CAPN8: variants seen among roughly 807,000 people sequenced by gnomAD.
CAPN8 encodes the protein calpain 8.
In CAPN8, 87 loss-of-function variants were observed where a neutral mutation model predicts 80.9. The ratio of observed to expected loss-of-function variants is 1.07; its 90% CI spans 0.90 to 1.28. The LOEUF is 1.28. Ranked by LOEUF, CAPN8 falls within the 50% of genes most tolerant of loss-of-function variation. CAPN8 has a pLI of 0.00. For synonymous variants in CAPN8, 299 were observed against 273.8 expected (o/e 1.09, Z -0.91); for missense variants, 757 against 702.0 (o/e 1.08, Z -0.89).
intron 10 of CAPN8, among the ~76,000 whole-genome samples, chr1:223,615,479 T>A (rs1448033401): frequency 1.3e-5 from 2 of 152,214 alleles, no homozygotes; most frequent in African/African-American, 4.8e-5. Flanking sequence ...ACACCAGAAC[T>A]GAAAATGGGC....
intron 2 of CAPN8, among the ~76,000 whole-genome samples, chr1:223,649,213 C>A (rs187976687): frequency 1.2e-4 from 18 of 152,326 alleles, no homozygotes; most frequent in Admixed American, 1.1e-3. Context: ...CACATAGAGA[C>A]GATTCAAGTC....
intron 2 of CAPN8, chr1:223,644,069 C>A: frequency 4.6e-6 from 1 of 219,638 alleles, no homozygotes; most frequent in Admixed American, 5.1e-5. Flanking sequence ...TAAAAACAAA[C>A]TATATCCTTC....
At chr1:223,557,801 G>C (rs1002852838) in intron 13 of CAPN8, among the ~76,000 whole-genome samples, 1 of 152,180 alleles carries the variant, frequency 6.6e-6, no homozygotes, top group African/African-American at 2.4e-5. Flanking sequence ...CCAAGAGCAG[G>C]ACACTGGATC....
intron 1 of CAPN8, among the ~76,000 whole-genome samples, chr1:223,656,745 G>A (rs1029644126): frequency 1.8e-4 from 26 of 145,454 alleles, no homozygotes; most frequent in Admixed American, 5.6e-4. Flanking sequence ...ATGCAGTGGC[G>A]CGATCTCGGC....
intron 2 of CAPN8, among the ~76,000 whole-genome samples, chr1:223,644,572 C>T (rs1167147126): frequency 4.6e-5 from 7 of 152,140 alleles, no homozygotes; most frequent in Non-Finnish European, 1.0e-4. Context: ...GTGAGAAAGA[C>T]AAACAATAAA....
intron 2 of CAPN8, among the ~76,000 whole-genome samples, chr1:223,638,838 A>C (rs956182291): frequency 6.6e-6 from 1 of 152,174 alleles, no homozygotes; most frequent in Non-Finnish European, 1.5e-5. Context: ...GTCAGATTTA[A>C]AGCACTCGTT....
intron 1 of CAPN8, among the ~76,000 whole-genome samples, chr1:223,662,309 C>T (rs1400834769): frequency 1.3e-5 from 2 of 152,012 alleles, no homozygotes; most frequent in Non-Finnish European, 2.9e-5. Flanking sequence ...ATTAGCCAGG[C>T]TTGGTGGCAG....
chr1:223,652,040 T>A (rs767197779), intron 2 of CAPN8, among the ~76,000 whole-genome samples: 24 of 152,182 alleles, frequency 1.6e-4, no homozygotes, highest in Non-Finnish European at 2.9e-4. Flanking sequence ...TTGCTTTAAT[T>A]TTTATACTGT....
intron 1 of CAPN8, among the ~76,000 whole-genome samples, chr1:223,663,845 C>A (rs1355467604): frequency 6.6e-6 from 1 of 152,214 alleles, no homozygotes; most frequent in Non-Finnish European, 1.5e-5. Context: ...AGGTAGCTAG[C>A]TGGAGTTAAA....
At chr1:223,659,543 A>G (rs1184361547) in intron 1 of CAPN8, among the ~76,000 whole-genome samples, 1 of 152,116 alleles carries the variant, frequency 6.6e-6, no homozygotes, top group African/African-American at 2.4e-5. Flanking sequence ...CCTTCTCTTC[A>G]GTCTCTATCC....
intron 1 of CAPN8, among the ~76,000 whole-genome samples, chr1:223,663,007 G>A (rs1457359160): frequency 1.3e-5 from 2 of 152,192 alleles, no homozygotes; most frequent in African/African-American, 4.8e-5. Flanking sequence ...GATGATTAGG[G>A]AAGGAGAGGT....
At chr1:223,652,979 C>G (rs1250359310) in intron 2 of CAPN8, among the ~76,000 whole-genome samples, 1 of 151,898 alleles carries the variant, frequency 6.6e-6, no homozygotes, top group Non-Finnish European at 1.5e-5. Flanking sequence ...AAAATCCATC[C>G]AAGCCCGTCA....
At position 223,609,309 on chromosome 1, in the gene CAPN8, G is replaced by A. The variant is rs987400130; in HGVS notation, c.1379C>T (p.Pro460Leu). Residue 460 changes from proline to leucine, a missense_variant, in exon 12 of 21, where the codon CCC becomes CTC. Coordinates refer to ENST00000366872, the MANE Select transcript of CAPN8 (RefSeq NM_001143962.2). ...LGRDFFLAYQ[P>L]SARTSTYVNL... ...GACGTAGGTGCTGGTGCGGGCTGAG[G>A]GCTGGTAGGCCAGGAAGAAATCCCG... The A allele has an allele frequency of 1.0e-5, 4 of 398,452 alleles. No individual in the cohort carries two copies. Among genetic ancestry groups the A allele is most frequent in the African/African-American group, 8.2e-5 (4 of 48,600 alleles). 24.7% of individuals were successfully genotyped at this position (398,452 alleles called of 1,614,324 possible). A position where few individuals can be genotyped will look rare whatever the true frequency, so the allele number is the denominator to read the frequency against.
At chr1:223,621,547 G>A (rs971982804) in intron 7 of CAPN8, among the ~76,000 whole-genome samples, 1 of 152,164 alleles carries the variant, frequency 6.6e-6, no homozygotes, top group African/African-American at 2.4e-5. Flanking sequence ...TTTTAGGGAA[G>A]TTGGCGGAAC....
At chr1:223,650,510 A>G (rs1658316565) in intron 2 of CAPN8, among the ~76,000 whole-genome samples, 1 of 152,216 alleles carries the variant, frequency 6.6e-6, no homozygotes, top group Non-Finnish European at 1.5e-5. Context: ...CTGGTTTACA[A>G]TTATACTGAG....
In CAPN8 at chr1:223,541,876, C is replaced by G; in HGVS notation, c.2089-17G>C. The G allele has an allele frequency of 1.3e-6, 2 of 1,510,434 alleles. No homozygotes were observed. Among genetic ancestry groups the G allele is most frequent in the South Asian group, 1.2e-5 (1 of 82,646 alleles). The allele number at this position is 1,510,434 out of a possible 1,614,324, so 93.6% of individuals were successfully genotyped here. On this transcript the variant is annotated splice_polypyrimidine_tract_variant and intron_variant, in intron 20 of 20. Transcript: ENST00000366872. Reference sequence around the variant, plus strand: ...GCACAGCCACTGCAAAGGAAAGGGACAAGATTGAGTCTTGGCTTCTCAGGG... The same window carrying G: ...GCACAGCCACTGCAAAGGAAAGGGAGAAGATTGAGTCTTGGCTTCTCAGGG...
At chr1:223,662,566 C>T (rs1165231220) in intron 1 of CAPN8, among the ~76,000 whole-genome samples, 5 of 152,108 alleles carry the variant, frequency 3.3e-5, no homozygotes, top group Non-Finnish European at 7.4e-5. Context: ...AAGATAAAAA[C>T]AATTCTGGTG....
intron 11 of CAPN8, among the ~76,000 whole-genome samples, chr1:223,611,799 A>T (rs968888919): frequency 6.6e-6 from 1 of 152,236 alleles, no homozygotes; most frequent in African/African-American, 2.4e-5. Context: ...CAAGGCATAC[A>T]CTAGAGCTGA....
chr1:223,624,867 G>C (rs959084258), intron 6 of CAPN8, among the ~76,000 whole-genome samples: 14 of 152,098 alleles, frequency 9.2e-5, no homozygotes, highest in Non-Finnish European at 1.8e-4. Context: ...GGTCGAGGCG[G>C]GCAGATCATG....
Sources: allele counts gnomAD v4.1 joint callset (sites outside exome capture counted in the v4.1 genomes callset), GRCh38; gene constraint gnomAD v4.1.1; transcripts MANE v1.5; gene names NCBI Gene and HGNC (gene_info 2026-07-23, HGNC 2026-07-21).